ARHGAP44: variants seen among roughly 807,000 people sequenced by gnomAD.
ARHGAP44 encodes Rho GTPase activating protein 44, also known as rho GTPase-activating protein 44.
Under a neutral mutation model 106.8 loss-of-function variants are expected in ARHGAP44, and 43 were observed. The observed-to-expected ratio is 0.40, with a 90% CI of 0.32 to 0.52. The LOEUF is 0.52. ARHGAP44 is among the 20% of genes least tolerant of loss of function. The probability of loss-of-function intolerance (pLI) is 0.48; values close to 1 mark genes in which losing one functional copy is unlikely to be tolerated. For synonymous variants in ARHGAP44, 439 were observed against 410.3 expected (o/e 1.07, Z -0.85); for missense variants, 866 against 1,050.5 (o/e 0.82, Z 2.43).
chr17:12,936,925 T>G (rs573150296), intron 7 of ARHGAP44, among the ~76,000 whole-genome samples: 21 of 152,326 alleles, frequency 1.4e-4, no homozygotes, highest in South Asian at 1.2e-3. Flanking sequence ...TTTTTGCCTT[T>G]TACTGTGTTT....
intron 7 of ARHGAP44, among the ~76,000 whole-genome samples, chr17:12,932,890 A>T (rs529127226): frequency 6.6e-6 from 1 of 152,144 alleles, no homozygotes; most frequent in Non-Finnish European, 1.5e-5. Context: ...TAATGATTTC[A>T]TAGCAAATAT....
chr17:12,795,074 T>A (rs1859971), intron 1 of ARHGAP44, among the ~76,000 whole-genome samples: 15,613 of 152,178 alleles, frequency 0.1, 852 homozygotes, highest in Middle Eastern at 0.15. Flanking sequence ...TACTGTGAGT[T>A]AGACCTGCCA....
At chr17:12,938,042 G>A (rs1371778032) in intron 7 of ARHGAP44, among the ~76,000 whole-genome samples, 1 of 151,806 alleles carries the variant, frequency 6.6e-6, no homozygotes, top group Non-Finnish European at 1.5e-5. Context: ...AGGTTGCAGT[G>A]AGCCAAGATT....
At chr17:12,869,817 G>A (rs2036354462) in intron 1 of ARHGAP44, among the ~76,000 whole-genome samples, 1 of 151,220 alleles carries the variant, frequency 6.6e-6, no homozygotes, top group Non-Finnish European at 1.5e-5. Flanking sequence ...TATGCATACT[G>A]TTTTATAGCC....
intron 1 of ARHGAP44, among the ~76,000 whole-genome samples, chr17:12,809,445 C>T (rs1437210531): frequency 6.6e-6 from 1 of 152,222 alleles, no homozygotes; most frequent in African/African-American, 2.4e-5. Context: ...GAAGCAAAAG[C>T]GTGTCTTACA....
intron 7 of ARHGAP44, among the ~76,000 whole-genome samples, chr17:12,939,338 C>T (rs1349107193): frequency 2.6e-5 from 4 of 152,050 alleles, no homozygotes; most frequent in Non-Finnish European, 5.9e-5. Context: ...CAGATAAGAT[C>T]CTTGAACTCT....
chr17:12,984,294 A>C (rs1457261497), intron 19 of ARHGAP44, among the ~76,000 whole-genome samples: 1 of 151,654 alleles, frequency 6.6e-6, no homozygotes, highest in Non-Finnish European at 1.5e-5. Context: ...AGGAGGAAAA[A>C]TTAGTTAACA....
At chr17:12,927,176 T>G (rs893698444) in intron 6 of ARHGAP44, among the ~76,000 whole-genome samples, 2 of 152,262 alleles carry the variant, frequency 1.3e-5, no homozygotes, top group Admixed American at 6.5e-5. Flanking sequence ...TCAGGAATCT[T>G]TCAGAGAACA....
At chr17:12,848,342 C>T (rs1456690662) in intron 1 of ARHGAP44, among the ~76,000 whole-genome samples, 6 of 151,990 alleles carry the variant, frequency 3.9e-5, no homozygotes, top group Admixed American at 6.6e-5. Flanking sequence ...ACTGCCTTTT[C>T]GGGTGTAGAT....
At chr17:12,923,794 C>T (rs2038155971) in intron 6 of ARHGAP44, among the ~76,000 whole-genome samples, 1 of 152,194 alleles carries the variant, frequency 6.6e-6, no homozygotes, top group Non-Finnish European at 1.5e-5. Context: ...AACACAACTT[C>T]CTGCCATTTT....
At chr17:12,862,191 C>T (rs2036106615) in intron 1 of ARHGAP44, among the ~76,000 whole-genome samples, 1 of 152,110 alleles carries the variant, frequency 6.6e-6, no homozygotes, top group Non-Finnish European at 1.5e-5. Flanking sequence ...GGCTTTCAAC[C>T]TGAAGCTGCT....
At chr17:12,870,772 A>T (rs2036384663) in intron 1 of ARHGAP44, among the ~76,000 whole-genome samples, 1 of 152,176 alleles carries the variant, frequency 6.6e-6, no homozygotes, top group African/African-American at 2.4e-5. Context: ...TGGTTCCATT[A>T]TACCACCCAC....
intron 20 of ARHGAP44, chr17:12,987,236 C>T: frequency 7.9e-7 from 1 of 1,264,108 alleles, no homozygotes; most frequent in Non-Finnish European, 1.1e-6. Context: ...CTCGTCTCTG[C>T]ATGTGGCTCA....
In ARHGAP44 at chr17:12,908,940, G is replaced by A; in HGVS notation, c.242G>A (p.Gly81Glu). The A allele has an allele frequency of 6.2e-7, 1 of 1,601,516 alleles. No individual in the cohort carries two copies. The highest frequency in any genetic ancestry group is 1.8e-5 in the Admixed American group (1 of 56,134). The change falls in exon 4 of 21, where the codon GGG becomes GAG. Residue 81 changes from glycine (G) to glutamate (E), a missense_variant. Around this residue, in one of 2 missense-constraint regions of ARHGAP44, gnomAD observed 448 missense variants for 646.9 expected, o/e 0.69. Coordinates refer to ENST00000379672, the MANE Select transcript of ARHGAP44 (RefSeq NM_014859.6). ...ACACTGGCTCAGTGTCTGATGGAGG[G>A]GTCAGCTATCCTGGGAGATGACACA... ...LTTLAQCLME[G>E]SAILGDDTLL... is the part of the protein sequence containing the mutation.
At chr17:12,968,913 G>T (rs899738319) in intron 16 of ARHGAP44, among the ~76,000 whole-genome samples, 10 of 151,894 alleles carry the variant, frequency 6.6e-5, no homozygotes, top group Non-Finnish European at 1.2e-4. Context: ...GGGATTACGG[G>T]CACCCACCAC....
chr17:12,956,961 T>C (rs1308521305), intron 15 of ARHGAP44, among the ~76,000 whole-genome samples: 1 of 152,142 alleles, frequency 6.6e-6, no homozygotes, highest in Non-Finnish European at 1.5e-5. Context: ...GTAATCTCTA[T>C]ATTTTTTGAG....
chr17:12,932,973 T>C (rs913219526), intron 7 of ARHGAP44, among the ~76,000 whole-genome samples: 1 of 152,224 alleles, frequency 6.6e-6, no homozygotes, highest in Non-Finnish European at 1.5e-5. Context: ...CATTTTATTA[T>C]ATGAACTTTG....
At chr17:12,881,723 T>G (rs1269327694) in intron 1 of ARHGAP44, among the ~76,000 whole-genome samples, 1 of 152,174 alleles carries the variant, frequency 6.6e-6, no homozygotes, top group East Asian at 1.9e-4. Context: ...TGAGACAGGA[T>G]CTCTCTGTTG....
chr17:12,798,954 TA>T (rs2034006625), intron 1 of ARHGAP44, among the ~76,000 whole-genome samples: 1 of 152,234 alleles, frequency 6.6e-6, no homozygotes, highest in Admixed American at 6.5e-5. Context: ...AAGCATTCAT[TA>T]TACTATGATT....
Sources: allele counts gnomAD v4.1 joint callset (sites outside exome capture counted in the v4.1 genomes callset), GRCh38; gene constraint gnomAD v4.1.1; regional missense constraint gnomAD v4.1.1; transcripts MANE v1.5; gene names NCBI Gene and HGNC (gene_info 2026-07-23, HGNC 2026-07-21).